TPR: variants seen among roughly 807,000 people sequenced by gnomAD.
TPR encodes translocated promoter region, nuclear basket protein.
TPR carries 51 observed loss-of-function variants against 316.1 expected under a neutral mutation model. That is an observed-to-expected ratio of 0.16 (90% confidence interval 0.13 to 0.20). The LOEUF is 0.20. Ranked by LOEUF, TPR falls within the 10% of genes least tolerant of loss-of-function variation. The pLI is 1.00. For synonymous variants in TPR, 981 were observed against 914.7 expected, an observed-to-expected ratio of 1.07 and a Z score of -1.31; for missense variants, 2,272 against 2,754.8, an observed-to-expected ratio of 0.82 and a Z score of 3.92.
intron 18 of TPR, 77 bp from the exon 19 acceptor site, chr1:186,352,187 G>C: frequency 7.4e-7 from 1 of 1,357,220 alleles, no homozygotes; most frequent in Non-Finnish European, 9.8e-7. Context: ...AAATTAAAAT[G>C]ATTCATACAT....
chr1:186,362,435 C>G, intron 6 of TPR, 55 bp from the exon 7 acceptor site: 1 of 1,390,788 alleles, frequency 7.2e-7, no homozygotes, highest in Non-Finnish European at 1.0e-6. Flanking sequence ...TGAAATTACT[C>G]TGACATGAGG....
chr1:186,334,150 C>G (rs1026397920), intron 36 of TPR, among the ~76,000 whole-genome samples, 175 bp downstream of exon 36: 18 of 152,250 alleles, frequency 1.2e-4, no homozygotes, highest in East Asian at 1.9e-4. Flanking sequence ...TATTCTTTGT[C>G]ATTACAAGTG....
chr1:186,372,158 AC>A (rs1659549182), intron 2 of TPR, among the ~76,000 whole-genome samples: 1 of 152,222 alleles, frequency 6.6e-6, no homozygotes, highest in Non-Finnish European at 1.5e-5. Flanking sequence ...ATGGTCATGG[AC>A]CCATTAAGAA....
intron 50 of TPR, 36 bp from the exon 51 acceptor site, chr1:186,314,062 T>G: frequency 6.3e-7 from 1 of 1,590,500 alleles, no homozygotes; most frequent in Non-Finnish European, 8.6e-7. Flanking sequence ...GAATATATCT[T>G]TTAAGAATTC....
Position 186,356,374 on chromosome 1 carries a change from T to G in TPR, c.1800A>C (p.Gln600His). The change falls in exon 15 of 51, where the codon CAA becomes CAC. Residue 600 changes from glutamine to histidine, a missense_variant. Coordinates refer to ENST00000367478, the MANE Select transcript of TPR (RefSeq NM_003292.3). Reference protein sequence around the residue: ...LEQLRKSRQHQMQLVDSIVRQ... With the variant: ...LEQLRKSRQHHMQLVDSIVRQ... ...GAACTATGGAATCAACAAGCTGCAT[T>G]TGATGCTGTCGTGATTTGCGGAGTT... The G allele has an allele frequency of 6.2e-7, 1 of 1,613,996 alleles. No individual in the cohort carries two copies. The highest frequency in any genetic ancestry group is 8.5e-7 in the Non-Finnish European group (1 of 1,179,930).
rs1309956615 is a variant in TPR at position 186,347,848 on chromosome 1, T to G, written c.2777-390A>C. Among the ~76,000 whole-genome samples, 3 of 152,190 alleles carry G rather than the reference T, an allele frequency of 2.0e-5. No homozygotes were observed. In the East Asian group the frequency reaches 5.8e-4, roughly 29 times the overall value. ...GCAGAGGAACATAAATTGTGACGAT[T>G]TCATCTTAATATGGACATTTATCAG... On this transcript the variant is annotated intron_variant, in intron 21 of 50. Transcript: ENST00000367478.
chr1:186,355,377 G>T, intron 17 of TPR, 33 bp downstream of exon 17: 1 of 1,579,430 alleles, frequency 6.3e-7, no homozygotes, highest in South Asian at 1.2e-5. Flanking sequence ...ATAACATTTA[G>T]ACTTAATTAA....
chr1:186,370,963 C>A lies in TPR; in HGVS notation c.330+7G>T. ...ACAATGAGCTTATTCTAAGAAATAT[C>A]TCTTACCTGAATGGCAATATTGCGA... is the stretch of plus-strand genomic sequence containing the variant. On this transcript the variant is annotated splice_region_variant and intron_variant, in intron 3 of 50. Transcript: ENST00000367478. 1 of 1,608,894 alleles carries A rather than the reference C, an allele frequency of 6.2e-7. No individual in the cohort carries two copies. The highest frequency in any genetic ancestry group is 8.5e-7 in the Non-Finnish European group (1 of 1,176,024).
At chr1:186,352,709 G>C (rs962649852) in intron 18 of TPR, among the ~76,000 whole-genome samples, 2 of 152,128 alleles carry the variant, frequency 1.3e-5, no homozygotes, top group Admixed American at 1.3e-4. Context: ...CCTCACAATG[G>C]AGTTGGAGCA....
chr1:186,359,725 A>C, intron 12 of TPR, 74 bp downstream of exon 12: 1 of 1,463,576 alleles, frequency 6.8e-7, no homozygotes, highest in Non-Finnish European at 9.1e-7. Flanking sequence ...AATCACCTTA[A>C]GAAAAAAAAA....
intron 46 of TPR, 73 bp from the exon 47 acceptor site, chr1:186,318,901 G>T: frequency 7.2e-7 from 1 of 1,394,286 alleles, no homozygotes; most frequent in South Asian, 1.2e-5. Context: ...GGATGTGAAA[G>T]AAAAATATTA....
chr1:186,317,569 T>G lies in TPR; in HGVS notation c.6853A>C (p.Ser2285Arg). 1 of 1,614,136 alleles carries G rather than the reference T, an allele frequency of 6.2e-7. No individual in the cohort carries two copies. Among genetic ancestry groups the G allele is most frequent in the Non-Finnish European group, 8.5e-7 (1 of 1,180,006 alleles). Residue 2285 changes from serine to arginine, a missense_variant, in exon 49 of 51, where the codon AGC becomes CGC. Transcript: ENST00000367478. ...ISSEAGLEID[S>R]QQEEEPVQAS... ...TGAACCGGCTCTTCTTCCTGCTGGC[T>G]ATCAATTTCTAGGCCTGCTTCTGAA...
intron 13 of TPR, 87 bp from the exon 14 acceptor site, chr1:186,357,710 T>A: frequency 8.5e-7 from 1 of 1,179,008 alleles, no homozygotes; most frequent in South Asian, 1.6e-5. Flanking sequence ...ATTAAAACAT[T>A]ACTTATAAAA....
At chr1:186,325,680 A>C (rs1027895182) in intron 42 of TPR, 84 bp downstream of exon 42, 1 of 1,081,600 alleles carries the variant, frequency 9.2e-7, no homozygotes, top group Non-Finnish European at 1.3e-6. Context: ...TCAATAAATA[A>C]ATTTATATAT....
At chr1:186,343,842 A>G (rs2102075320) in intron 26 of TPR, 64 bp downstream of exon 26, 3 of 1,333,958 alleles carry the variant, frequency 2.2e-6, no homozygotes, top group South Asian at 2.8e-5. Flanking sequence ...TCTAATTTAT[A>G]TATTTGTAGT....
intron 25 of TPR, 27 bp from the exon 26 acceptor site, chr1:186,344,117 A>G (rs2950829): frequency 0.98 from 1,567,477 of 1,596,922 alleles, 769,469 homozygotes; most frequent in South Asian, 0.99. Context: ...TATCAGAATA[A>G]CAGATTTTCC....
At position 186,318,576 on chromosome 1, in the gene TPR, G is replaced by C; in HGVS notation, c.6692C>G (p.Ser2231Cys). Residue 2231 changes from serine (S) to cysteine (C), a missense_variant, in exon 48 of 51, where the codon TCT becomes TGT. This residue lies in a region of TPR where 88 missense variants were observed against 176.2 expected (regional missense o/e 0.50). Transcript: ENST00000367478. ...PVTVFTESTT[S>C]DASEHASQSV... Reference sequence around the variant, plus strand: ...TTGAGAGGCATGTTCCGAAGCATCAGAGGTGGTGCTCTCAGTAAATACAGT... The same window carrying C: ...TTGAGAGGCATGTTCCGAAGCATCACAGGTGGTGCTCTCAGTAAATACAGT... 6.2e-7 allele frequency: 1 copy of C among 1,613,260 alleles called. No homozygotes were observed. The highest frequency in any genetic ancestry group is 8.5e-7 in the Non-Finnish European group (1 of 1,179,820).
At chr1:186,368,169 C>T (rs1414875109) in intron 3 of TPR, among the ~76,000 whole-genome samples, 187 bp from the exon 4 acceptor site, 2 of 152,134 alleles carry the variant, frequency 1.3e-5, no homozygotes, top group Non-Finnish European at 2.9e-5. Context: ...ATTTTTAAAA[C>T]ATTTTTACTA....
rs144363040 is a variant in TPR, at chr1:186,357,260, C to A, written c.1724+137G>T. 571 of 756,942 alleles carry A rather than the reference C, an allele frequency of 7.5e-4. 2 individuals carry two copies. Among genetic ancestry groups the A allele is most frequent in the Non-Finnish European group, 7.6e-4 (356 of 469,052 alleles). 46.9% of individuals were successfully genotyped at this position (756,942 alleles called of 1,614,324 possible). On this transcript the variant is annotated intron_variant, in intron 14 of 50. Coordinates refer to ENST00000367478, the MANE Select transcript of TPR (RefSeq NM_003292.3). The stretch of plus-strand genomic sequence containing the variant: ...ACATGGTCTCACTATGTCGTCCAGG[C>A]TGGTCTCGACCTCCTGGGCTCAAAT...
Sources: gnomAD v4.1 joint callset for allele counts (sites outside exome capture counted in the v4.1 genomes callset) on GRCh38, gnomAD v4.1.1 for gene constraint, gnomAD v4.1.1 regional missense constraint, MANE v1.5 for transcripts, NCBI Gene and HGNC (gene_info 2026-07-23, HGNC 2026-07-21) for gene names.